Variants in EXOC4 observed in about 807,000 individuals in gnomAD.
EXOC4 encodes exocyst complex component 4.
EXOC4 carries 71 observed loss-of-function variants against 107.2 expected under a neutral mutation model. The ratio of observed to expected loss-of-function variants is 0.66; its 90% confidence interval spans 0.55 to 0.81. The LOEUF (loss-of-function observed/expected upper bound fraction) is 0.81, where lower values mean the gene tolerates loss of function less well. Among genes scored for constraint, EXOC4 ranks in the 30% least tolerant of loss-of-function variants. The probability of loss-of-function intolerance (pLI) is 0.00; values close to 1 mark genes in which losing one functional copy is unlikely to be tolerated. For missense variants in EXOC4, 1,108 were observed against 1,189.6 expected (o/e 0.93, Z 1.01); for synonymous variants, 456 against 441.2 (o/e 1.03, Z -0.42).
At chr7:133,824,675 C>G (rs1405205509) in intron 11 of EXOC4, among the ~76,000 whole-genome samples, 3 of 152,040 alleles carry the variant, frequency 2.0e-5, no homozygotes, top group Non-Finnish European at 4.4e-5. Context: ...GCCACATTCC[C>G]TCCAAAGCTC....
chr7:133,272,589 T>TA (rs541329904), intron 1 of EXOC4, among the ~76,000 whole-genome samples: 53 of 143,936 alleles, frequency 3.7e-4, no homozygotes, highest in East Asian at 3.0e-3. Context: ...TTTCTCTAAT[T>TA]AAAAAAAAAA....
At chr7:133,629,482 T>C (rs1032461788) in intron 9 of EXOC4, among the ~76,000 whole-genome samples, 9 of 152,220 alleles carry the variant, frequency 5.9e-5, no homozygotes, top group Admixed American at 1.3e-4. Flanking sequence ...TTATTCTTAC[T>C]GTGAGTCCAT....
At chr7:134,049,850 A>G (rs777791571) in intron 17 of EXOC4, among the ~76,000 whole-genome samples, 2 of 152,240 alleles carry the variant, frequency 1.3e-5, no homozygotes, top group South Asian at 2.1e-4. Context: ...AAGGGACTAT[A>G]TAAGCAGTGA....
chr7:133,652,638 G>C (rs573786188), intron 10 of EXOC4, among the ~76,000 whole-genome samples: 3 of 152,176 alleles, frequency 2.0e-5, no homozygotes, highest in Admixed American at 2.0e-4. Context: ...AGGAGACTTA[G>C]AGAAAAATGG....
At position 133,895,634 on chromosome 7, in the gene EXOC4, C is replaced by T. The variant is rs138308955; in HGVS notation, c.1770C>T (p.Leu590=). The T allele has an allele frequency of 9.3e-6, 15 of 1,614,004 alleles. No homozygotes were observed. Among genetic ancestry groups the T allele is most frequent in the Admixed American group, 5.0e-5 (3 of 60,004 alleles). The change falls in exon 12 of 18, where the codon CTC becomes CTT. Residue 590 remains leucine, a synonymous_variant. Transcript: ENST00000253861. The part of the protein sequence containing the change: ...TIIVEKTVQD[L]LNLMHDLSAY... ...TTGTGGAGAAGACAGTTCAAGACCT[C>T]CTGAACCTGATGCATGACTTGAGTG...
At chr7:133,875,951 G>A (rs562563717) in intron 11 of EXOC4, among the ~76,000 whole-genome samples, 2 of 152,270 alleles carry the variant, frequency 1.3e-5, no homozygotes, top group African/African-American at 4.8e-5. Flanking sequence ...GTCTGCCTGA[G>A]TTTCAGTCAT....
intron 11 of EXOC4, among the ~76,000 whole-genome samples, chr7:133,857,114 G>GTGTA (rs1798395285): frequency 4.9e-5 from 4 of 81,566 alleles, no homozygotes; most frequent in Non-Finnish European, 9.2e-5. Context: ...ATATATATGT[G>GTGTA]TATATATATA....
At chr7:133,646,418 A>G (rs1802993849) in intron 10 of EXOC4, among the ~76,000 whole-genome samples, 1 of 152,190 alleles carries the variant, frequency 6.6e-6, no homozygotes, top group Non-Finnish European at 1.5e-5. Flanking sequence ...TTTCTTCTAA[A>G]TACTACTTAT....
chr7:133,427,520 G>C (rs1797754295), intron 7 of EXOC4, among the ~76,000 whole-genome samples: 1 of 152,120 alleles, frequency 6.6e-6, no homozygotes, highest in Non-Finnish European at 1.5e-5. Context: ...TTAACCTCCA[G>C]TCAGAAAGGA....
intron 9 of EXOC4, among the ~76,000 whole-genome samples, chr7:133,548,253 G>A (rs954245236): frequency 1.1e-4 from 16 of 152,044 alleles, no homozygotes; most frequent in Non-Finnish European, 1.8e-4. Flanking sequence ...TCATGAGATT[G>A]CAGCAATTTA....
At chr7:133,287,007 A>G (rs1158955811) in intron 2 of EXOC4, among the ~76,000 whole-genome samples, 6 of 152,160 alleles carry the variant, frequency 3.9e-5, no homozygotes, top group African/African-American at 7.2e-5. Flanking sequence ...TACCCCTGCC[A>G]TTAGTATACT....
At chr7:133,377,487 G>T (rs955814829) in intron 7 of EXOC4, among the ~76,000 whole-genome samples, 3 of 152,098 alleles carry the variant, frequency 2.0e-5, no homozygotes, top group Non-Finnish European at 4.4e-5. Context: ...AAAGCACAGA[G>T]AAAAAATAGA....
intron 5 of EXOC4, among the ~76,000 whole-genome samples, chr7:133,331,047 G>A (rs7782506): frequency 0.3 from 46,105 of 151,738 alleles, 8,047 homozygotes; most frequent in African/African-American, 0.48. Flanking sequence ...TGTGATTACT[G>A]TTACAATTAT....
At chr7:133,368,154 C>G (rs930843139) in intron 6 of EXOC4, among the ~76,000 whole-genome samples, 2 of 152,192 alleles carry the variant, frequency 1.3e-5, no homozygotes, top group African/African-American at 4.8e-5. Flanking sequence ...GGGATTCTGC[C>G]TACACTTTCT....
At chr7:133,692,157 AC>A (rs1794435690) in intron 10 of EXOC4, among the ~76,000 whole-genome samples, 3 of 152,194 alleles carry the variant, frequency 2.0e-5, no homozygotes, top group Non-Finnish European at 2.9e-5. Flanking sequence ...CAAAAAAACT[AC>A]CTTAGCGCCA....
At chr7:133,703,365 A>G (rs147760687) in intron 10 of EXOC4, among the ~76,000 whole-genome samples, 30 of 152,374 alleles carry the variant, frequency 2.0e-4, no homozygotes, top group African/African-American at 7.0e-4. Flanking sequence ...ATGTAAGGAT[A>G]CCTTCGTCAC....
chr7:133,366,171 A>G (rs1379957236), intron 6 of EXOC4, among the ~76,000 whole-genome samples: 1 of 152,156 alleles, frequency 6.6e-6, no homozygotes, highest in African/African-American at 2.4e-5. Context: ...CACCTTAAAT[A>G]TTGAGCATTT....
intron 13 of EXOC4, among the ~76,000 whole-genome samples, chr7:133,923,321 G>T (rs1160816817): frequency 1.3e-5 from 2 of 151,854 alleles, no homozygotes; most frequent in African/African-American, 4.8e-5. Flanking sequence ...TAGAGACAGG[G>T]TTTCACCATA....
In EXOC4 at chr7:133,253,127, A is replaced by G. The variant is rs1794928806; in HGVS notation, c.26A>G (p.Lys9Arg). The G allele has an allele frequency of 1.9e-6, 3 of 1,614,066 alleles. No homozygotes were observed. The highest frequency in any genetic ancestry group is 8.5e-7 in the Non-Finnish European group (1 of 1,180,026). The change falls in exon 1 of 18, where the codon AAA becomes AGA. Residue 9 changes from lysine (K) to arginine (R), a missense_variant. Lys to Arg is a conservative substitution (Grantham distance 26). Coordinates refer to ENST00000253861, the MANE Select transcript of EXOC4 (RefSeq NM_021807.4). ...ATGGCGGCAGAAGCAGCTGGTGGGA[A>G]ATACAGAAGCACAGTCAGCAAAAGC... MAAEAAGG[K>R]YRSTVSKSKD... is the part of the protein sequence containing the mutation.
Sources: gnomAD v4.1 joint callset for allele counts (sites outside exome capture counted in the v4.1 genomes callset) on GRCh38, gnomAD v4.1.1 for gene constraint, MANE v1.5 for transcripts, NCBI Gene and HGNC (gene_info 2026-07-23, HGNC 2026-07-21) for gene names.